The following PPP5C variants were observed in gnomAD, a reference collection of about 807,000 sequenced individuals.
The protein encoded by PPP5C is serine/threonine-protein phosphatase 5.
PPP5C carries 21 observed loss-of-function variants against 66.7 expected under a neutral mutation model. The ratio of observed to expected loss-of-function variants is 0.31; its 90% confidence interval spans 0.22 to 0.45. PPP5C has a LOEUF of 0.45. PPP5C is among the 20% of genes least tolerant of loss of function. PPP5C has a pLI of 1.00. For synonymous variants in PPP5C, 246 were observed against 257.4 expected, an observed-to-expected ratio of 0.96 and a Z score of 0.43; for missense variants, 464 against 675.9, an observed-to-expected ratio of 0.69 and a Z score of 3.48.
In PPP5C at chr19:46,376,793, G is replaced by T. The variant is rs1467864243; in HGVS notation, c.633+219G>T. The T allele has an allele frequency of 7.1e-6, 4 of 560,952 alleles. No homozygotes were observed. The highest frequency in any genetic ancestry group is 1.2e-5 in the Non-Finnish European group (4 of 332,990). The allele number at this position is 560,952 out of a possible 1,614,324, so 34.7% of individuals were successfully genotyped here. ...TGGCAGGCAGTGCCATTTGACAGAT[G>T]CAGGGACAAAGGGCCAGAGAGGTCA... On this transcript the variant is annotated intron_variant, in intron 4 of 12. Transcript: ENST00000012443. The surrounding 1 kb of genome is among the most constrained non-coding windows in gnomAD (Gnocchi z 5.1).
chr19:46,384,749 C>T lies in PPP5C; in HGVS notation c.799-55C>T, dbSNP rs1568576870. 5.0e-6 allele frequency: 7 copies of T among 1,412,768 alleles called. No individual in the cohort carries two copies. The East Asian group carries it at 1.6e-4, about 32-fold the overall frequency. 87.5% of individuals were successfully genotyped at this position (1,412,768 alleles called of 1,614,324 possible). ...CCATCTTCTGCCACCACCCCCAACC[C>T]CACCGCACCGCACCCTTCCCCTCCA... On this transcript the variant is annotated intron_variant, in intron 6 of 12. Transcript: ENST00000012443.
At chr19:46,370,483 T>G (rs1334861899) in intron 2 of PPP5C, among the ~76,000 whole-genome samples, 1 of 152,182 alleles carries the variant, frequency 6.6e-6, no homozygotes. Flanking sequence ...TGACAGTGCC[T>G]TCTGGATACC....
chr19:46,390,826 TTAAAA>T lies in PPP5C; in HGVS notation c.*485_*489del, dbSNP rs1973010026. ...TATTTTATGTCTGTAATTAAATATG[TTAAAA>T]TAAAGTCATTATCGGAAGTCAGCTT... is the stretch of plus-strand genomic sequence containing the variant. On this transcript the variant is annotated 3_prime_UTR_variant, in exon 13 of 13. Transcript: ENST00000012443. 2.7e-6 allele frequency: 3 copies of T among 1,128,728 alleles called. No individual in the cohort carries two copies. Among genetic ancestry groups the T allele is most frequent in the South Asian group, 2.0e-5 (1 of 49,164 alleles). The allele number at this position is 1,128,728 out of a possible 1,614,324, so 69.9% of individuals were successfully genotyped here.
chr19:46,384,754 G>C, intron 6 of PPP5C, 50 bp from the exon 7 acceptor site: 11 of 1,197,694 alleles, frequency 9.2e-6, no homozygotes, highest in Non-Finnish European at 1.3e-5. Context: ...CAACCCCACC[G>C]CACCGCACCC....
rs1433212977 is a variant in PPP5C at position 46,383,051 on chromosome 19, G to A, written c.634-360G>A. The A allele has an allele frequency of 4.6e-6, 5 of 1,082,734 alleles. No homozygotes were observed. The highest frequency in any genetic ancestry group is 3.8e-5 in the Admixed American group (1 of 25,998). 67.1% of individuals were successfully genotyped at this position (1,082,734 alleles called of 1,614,324 possible). On this transcript the variant is annotated intron_variant, in intron 4 of 12. Transcript: ENST00000012443. This position sits in a 1 kb window ranked among gnomAD's most constrained non-coding sequence, Gnocchi z 5.0. ...CTAGAAAGTCTCACTTCTTTTTTGGGAGACTCTTTTATGACAGTGACATTG... is the reference window on the plus strand; with the variant it reads ...CTAGAAAGTCTCACTTCTTTTTTGGAAGACTCTTTTATGACAGTGACATTG...
At position 46,384,751 on chromosome 19, in the gene PPP5C, A is replaced by G. The variant is rs1038540881; in HGVS notation, c.799-53A>G. 2.3e-6 allele frequency: 3 copies of G among 1,324,974 alleles called. No homozygotes were observed. The African/African-American group carries it at 4.4e-5, about 19-fold the overall frequency. The allele number at this position is 1,324,974 out of a possible 1,614,324, so 82.1% of individuals were successfully genotyped here. A position where few individuals can be genotyped will look rare whatever the true frequency, so the allele number is the denominator to read the frequency against. On this transcript the variant is annotated intron_variant, in intron 6 of 12. Transcript: ENST00000012443. ...ATCTTCTGCCACCACCCCCAACCCC[A>G]CCGCACCGCACCCTTCCCCTCCACG...
At chr19:46,357,547 A>G (rs1278183834) in intron 2 of PPP5C, among the ~76,000 whole-genome samples, 1 of 152,158 alleles carries the variant, frequency 6.6e-6, no homozygotes, top group African/African-American at 2.4e-5. Context: ...CAGGTTGAGG[A>G]CTTAGTCCCC....
At chr19:46,382,670 T>C (rs1171176069) in intron 4 of PPP5C, 1 of 418,476 alleles carries the variant, frequency 2.4e-6, no homozygotes, top group Admixed American at 6.3e-5. Context: ...CCCTAACCCA[T>C]TTGAAAGTAA....
rs369993397 is a variant in PPP5C, at chr19:46,383,760, G to T, written c.700-20G>T. ...TCTCTCTCTCGGCCCGTCCCTCTCC[G>T]GTGGCCTCTTTTCTTTCAGACAGAG... On this transcript the variant is annotated intron_variant, in intron 5 of 12. Coordinates refer to ENST00000012443, the MANE Select transcript of PPP5C (RefSeq NM_006247.4). This position sits in a 1 kb window ranked among gnomAD's most constrained non-coding sequence, Gnocchi z 5.0. The T allele has an allele frequency of 1.3e-6, 2 of 1,591,474 alleles. No homozygotes were observed. Among genetic ancestry groups the T allele is most frequent in the East Asian group, 2.2e-5 (1 of 44,712 alleles).
intron 1 of PPP5C, among the ~76,000 whole-genome samples, chr19:46,349,412 A>G (rs1194328044): frequency 1.3e-5 from 2 of 152,162 alleles, no homozygotes; most frequent in African/African-American, 4.8e-5. Context: ...GACTTGCAGC[A>G]GCAAAACCCT....
At chr19:46,371,647 G>A (rs1972594996) in intron 2 of PPP5C, among the ~76,000 whole-genome samples, 2 of 152,142 alleles carry the variant, frequency 1.3e-5, no homozygotes, top group South Asian at 4.1e-4. Flanking sequence ...AGTGCACCTT[G>A]GTGGTCTCTC....
intron 1 of PPP5C, among the ~76,000 whole-genome samples, chr19:46,348,280 G>A (rs920393121): frequency 2.6e-5 from 4 of 151,452 alleles, no homozygotes; most frequent in Non-Finnish European, 4.4e-5. Flanking sequence ...CAGGGTCTCC[G>A]TGAGTCATTA....
rs2147395728 is a variant in PPP5C at position 46,380,926 on chromosome 19, T to TC, written c.634-2484dup. Among the ~76,000 whole-genome samples, 3 of 152,358 alleles carry TC rather than the reference T, an allele frequency of 2.0e-5. No homozygotes were observed. The South Asian group carries it at 6.2e-4, about 32-fold the overall frequency. On this transcript the variant is annotated intron_variant, in intron 4 of 12. Transcript: ENST00000012443. Reference sequence around the variant, plus strand: ...ATATCTTTCATTAGTTTTGGAAAGTTCTTAGCCATTATTTCTTATATTTCT... The same window carrying TC: ...ATATCTTTCATTAGTTTTGGAAAGTTCCTTAGCCATTATTTCTTATATTTCT...
chr19:46,390,421 G>A lies in PPP5C; in HGVS notation c.*75G>A, dbSNP rs970895312. ...ACCCAGGCCCTGGGCTAGGGGCAGA[G>A]CAGGCCCCGCCCCAGGGCAATGTTG... On this transcript the variant is annotated 3_prime_UTR_variant, in exon 13 of 13. Coordinates refer to ENST00000012443, the MANE Select transcript of PPP5C (RefSeq NM_006247.4). 6.5e-7 allele frequency: 1 copy of A among 1,545,354 alleles called. No homozygotes were observed. The highest frequency in any genetic ancestry group is 8.7e-7 in the Non-Finnish European group (1 of 1,144,392).
At chr19:46,389,458 C>G (rs902443063) in intron 11 of PPP5C, among the ~76,000 whole-genome samples, 3 of 130,532 alleles carry the variant, frequency 2.3e-5, no homozygotes, top group Non-Finnish European at 3.1e-5. Flanking sequence ...CACACACACA[C>G]ACAGTGTTGA....
Position 46,353,881 on chromosome 19 carries a change from C to T in PPP5C, c.255C>T (p.Ala85=). Residue 85 remains alanine, a synonymous_variant, in exon 2 of 13, where the codon GCC becomes GCT. Transcript: ENST00000012443. ...GCTATGGCTACGCGCTGGGAGACGCCACGCGGGCCATTGAGCTGGACAAGA... is the reference window on the plus strand; with the variant it reads ...GCTATGGCTACGCGCTGGGAGACGCTACGCGGGCCATTGAGCTGGACAAGA... ...TECYGYALGD[A]TRAIELDKKY... The T allele has an allele frequency of 6.2e-7, 1 of 1,606,796 alleles. No individual in the cohort carries two copies. The highest frequency in any genetic ancestry group is 1.3e-5 in the African/African-American group (1 of 75,004).
rs1312704879 is a variant in PPP5C at position 46,390,957 on chromosome 19, A to G, written c.*611A>G. 2 of 1,184,140 alleles carry G rather than the reference A, an allele frequency of 1.7e-6. No homozygotes were observed. The highest frequency in any genetic ancestry group is 5.9e-5 in the East Asian group (1 of 16,870). The allele number at this position is 1,184,140 out of a possible 1,614,324, so 73.4% of individuals were successfully genotyped here. A position where few individuals can be genotyped will look rare whatever the true frequency, so the allele number is the denominator to read the frequency against. On this transcript the variant is annotated 3_prime_UTR_variant, in exon 13 of 13. Coordinates refer to ENST00000012443, the MANE Select transcript of PPP5C (RefSeq NM_006247.4). ...CCGCAAAGTCCCGCTGGCCGGGCCC[A>G]CCCAGCTCTGGGCTGACCGCCCAAG...
Position 46,376,324 on chromosome 19 carries a change from C to T in PPP5C, c.512-129C>T. 2 of 1,244,680 alleles carry T rather than the reference C, an allele frequency of 1.6e-6. No individual in the cohort carries two copies. The highest frequency in any genetic ancestry group is 2.2e-6 in the Non-Finnish European group (2 of 894,988). The allele number at this position is 1,244,680 out of a possible 1,614,324, so 77.1% of individuals were successfully genotyped here. On this transcript the variant is annotated intron_variant, in intron 3 of 12. Transcript: ENST00000012443. The surrounding 1 kb of genome is among the most constrained non-coding windows in gnomAD (Gnocchi z 5.1). ...AGACCTGACCCAGGAGGGGACTCTT[C>T]ACTCACTCTGTCCCGCTCTCGACCT...
chr19:46,364,772 G>T (rs1433599609), intron 2 of PPP5C, among the ~76,000 whole-genome samples: 1 of 152,112 alleles, frequency 6.6e-6, no homozygotes, highest in East Asian at 1.9e-4. Context: ...TTCCAATTGT[G>T]TGCACAAATA....
Sources: gnomAD v4.1 joint callset for allele counts (sites outside exome capture counted in the v4.1 genomes callset) on GRCh38, gnomAD v4.1.1 for gene constraint, Gnocchi (gnomAD v3.1) non-coding constraint, MANE v1.5 for transcripts, NCBI Gene and HGNC (gene_info 2026-07-23, HGNC 2026-07-21) for gene names.